CRACDL: variants seen among roughly 807,000 people sequenced by gnomAD.
CRACDL encodes CRACD like, also known as CRACD-like protein.
A neutral mutation model predicts 70.6 loss-of-function variants in CRACDL; 26 were observed. That is an observed-to-expected ratio of 0.37 (90% confidence interval 0.27 to 0.51). CRACDL has a LOEUF of 0.51. Among genes scored for constraint, CRACDL ranks in the 20% least tolerant of loss-of-function variants. CRACDL has a pLI of 0.94. For missense variants in CRACDL, 1,283 were observed against 1,376.9 expected (o/e 0.93, Z 1.08); for synonymous variants, 618 against 615.2 (o/e 1.00, Z -0.07).
At chr2:98,927,425 A>C (rs1179189830) in intron 1 of CRACDL, among the ~76,000 whole-genome samples, 1 of 152,106 alleles carries the variant, frequency 6.6e-6, no homozygotes, top group Non-Finnish European at 1.5e-5. Context: ...GCCTCAGCGA[A>C]TGAGAGTGAA....
At position 98,794,281 on chromosome 2, in the gene CRACDL, C is replaced by A; in HGVS notation, c.*251G>T. The A allele has an allele frequency of 2.6e-6, 1 of 383,172 alleles. No individual in the cohort carries two copies. Among genetic ancestry groups the A allele is most frequent in the Non-Finnish European group, 4.7e-6 (1 of 214,190 alleles). The allele number at this position is 383,172 out of a possible 1,614,324, so 23.7% of individuals were successfully genotyped here. Reference sequence around the variant, plus strand: ...GGGAATTCGAAAAGACACATTCGTACCTTTGGGCACAGGAACTGGTTCCTG... The same window carrying A: ...GGGAATTCGAAAAGACACATTCGTAACTTTGGGCACAGGAACTGGTTCCTG... On this transcript the variant is annotated 3_prime_UTR_variant, in exon 10 of 10. Coordinates refer to ENST00000397899, the MANE Select transcript of CRACDL (RefSeq NM_207362.3).
intron 1 of CRACDL, among the ~76,000 whole-genome samples, chr2:98,848,360 GTGGTAGC>G (rs1460989029): frequency 7.2e-5 from 11 of 152,130 alleles, no homozygotes; most frequent in Non-Finnish European, 1.0e-4. Flanking sequence ...TCCTTTAGAG[GTGGTAGC>G]TGCCGGGGAT....
Position 98,797,504 on chromosome 2 carries a change from C to T in CRACDL, c.2450G>A (p.Gly817Glu). Residue 817 changes from glycine (G) to glutamate (E), a missense_variant, in exon 8 of 10, where the codon GGA becomes GAA. Coordinates refer to ENST00000397899, the MANE Select transcript of CRACDL (RefSeq NM_207362.3). ...KSLPPAATGP[G>E]ADGQPAPPWI... ...GGGTGGCGCAGGCTGCCCATCAGCTCCAGGCCCTGTTGCTGCAGGCGGCAG... is the reference window on the plus strand; with the variant it reads ...GGGTGGCGCAGGCTGCCCATCAGCTTCAGGCCCTGTTGCTGCAGGCGGCAG... 1 of 1,614,150 alleles carries T rather than the reference C, an allele frequency of 6.2e-7. No individual in the cohort carries two copies. Among genetic ancestry groups the T allele is most frequent in the Non-Finnish European group, 8.5e-7 (1 of 1,180,044 alleles).
At chr2:98,811,062 C>T (rs537630410) in intron 7 of CRACDL, among the ~76,000 whole-genome samples, 17 of 152,022 alleles carry the variant, frequency 1.1e-4, no homozygotes, top group East Asian at 1.9e-4. Context: ...AAAGGATCCA[C>T]GTGCCTAGAT....
chr2:98,855,427 G>A (rs1036937430), intron 1 of CRACDL, among the ~76,000 whole-genome samples: 1 of 151,992 alleles, frequency 6.6e-6, no homozygotes, highest in African/African-American at 2.4e-5. Context: ...ATATCACGAG[G>A]CAAAATGTGA....
At chr2:98,854,013 G>A (rs1706590090) in intron 1 of CRACDL, among the ~76,000 whole-genome samples, 1 of 152,168 alleles carries the variant, frequency 6.6e-6, no homozygotes, top group Admixed American at 6.5e-5. Context: ...AGCTGGCGCA[G>A]TGGCTCACAC....
chr2:98,912,017 C>T (rs1573189817), intron 1 of CRACDL, among the ~76,000 whole-genome samples: 1 of 152,088 alleles, frequency 6.6e-6, no homozygotes. Context: ...GACACAAGTG[C>T]CTGACCCCTC....
intron 1 of CRACDL, among the ~76,000 whole-genome samples, chr2:98,922,926 CT>C (rs2104696040): frequency 6.6e-6 from 1 of 152,308 alleles, no homozygotes; most frequent in Non-Finnish European, 1.5e-5. Flanking sequence ...TTCAATAAAA[CT>C]GAGCAGCAAT....
At chr2:98,845,204 T>C (rs1346079443) in intron 2 of CRACDL, among the ~76,000 whole-genome samples, 1 of 151,296 alleles carries the variant, frequency 6.6e-6, no homozygotes, top group East Asian at 1.9e-4. Flanking sequence ...CTTCTTCTTT[T>C]TTTTTTTTTT....
intron 1 of CRACDL, among the ~76,000 whole-genome samples, chr2:98,899,447 G>A (rs1169048275): frequency 6.6e-6 from 1 of 152,282 alleles, no homozygotes; most frequent in Admixed American, 6.5e-5. Flanking sequence ...GCAGGAGCAG[G>A]TGCCAAGTGG....
chr2:98,872,435 A>G (rs1225266716), intron 1 of CRACDL, among the ~76,000 whole-genome samples: 1 of 152,162 alleles, frequency 6.6e-6, no homozygotes, highest in East Asian at 1.9e-4. Flanking sequence ...TAAAGATGGA[A>G]ACAATAGACA....
intron 1 of CRACDL, among the ~76,000 whole-genome samples, chr2:98,870,488 C>T (rs1470901501): frequency 2.6e-5 from 2 of 75,660 alleles, no homozygotes; most frequent in African/African-American, 6.7e-5. Context: ...CTTTGTGCAG[C>T]CCACTGTGCT....
intron 3 of CRACDL, among the ~76,000 whole-genome samples, chr2:98,837,833 C>T (rs988292884): frequency 1.3e-5 from 2 of 152,170 alleles, no homozygotes; most frequent in South Asian, 2.1e-4. Context: ...GATCCTGTCA[C>T]TTTCAGCTGT....
chr2:98,865,221 T>A (rs1041927228), intron 1 of CRACDL, among the ~76,000 whole-genome samples: 1 of 152,072 alleles, frequency 6.6e-6, no homozygotes, highest in African/African-American at 2.4e-5. Context: ...TCCTTCTGCT[T>A]GAACTTGATG....
At chr2:98,797,910 A>G (rs1332688751) in intron 7 of CRACDL, among the ~76,000 whole-genome samples, 1 of 152,162 alleles carries the variant, frequency 6.6e-6, no homozygotes, top group African/African-American at 2.4e-5. Context: ...TCCTGCTCAA[A>G]TGCTGTAGAC....
rs780030004 is a variant in CRACDL, at chr2:98,797,544, G to T, written c.2417-7C>A. On this transcript the variant is annotated splice_region_variant and splice_polypyrimidine_tract_variant and intron_variant, in intron 7 of 9. Transcript: ENST00000397899. ...GCAGGCGGCAGACTCTTTTCTGTTG[G>T]GTAAAGGCACAAGATTATAGAAACA... 6.2e-7 allele frequency: 1 copy of T among 1,612,982 alleles called. No individual in the cohort carries two copies. Among genetic ancestry groups the T allele is most frequent in the South Asian group, 1.1e-5 (1 of 91,066 alleles).
intron 1 of CRACDL, among the ~76,000 whole-genome samples, chr2:98,924,217 C>T (rs1001728335): frequency 2.0e-5 from 3 of 152,206 alleles, no homozygotes; most frequent in African/African-American, 7.2e-5. Flanking sequence ...TGACCACTGA[C>T]CAAGTGCAAG....
At chr2:98,825,613 G>T (rs1705270226) in intron 6 of CRACDL, among the ~76,000 whole-genome samples, 1 of 152,210 alleles carries the variant, frequency 6.6e-6, no homozygotes, top group Non-Finnish European at 1.5e-5. Flanking sequence ...AAGGGAGCAG[G>T]CCCTGGCCCT....
chr2:98,812,041 T>A (rs752927285), intron 7 of CRACDL, among the ~76,000 whole-genome samples: 2 of 152,232 alleles, frequency 1.3e-5, no homozygotes, highest in Non-Finnish European at 2.9e-5. Flanking sequence ...AGTGGCACAA[T>A]CTCTGCTCAC....
Sources: allele counts gnomAD v4.1 joint callset (sites outside exome capture counted in the v4.1 genomes callset), GRCh38; gene constraint gnomAD v4.1.1; transcripts MANE v1.5; gene names NCBI Gene and HGNC (gene_info 2026-07-23, HGNC 2026-07-21).